The following CPVL variants were observed in gnomAD, a reference collection of about 807,000 sequenced individuals.
The protein encoded by CPVL is carboxypeptidase vitellogenic like.
CPVL carries 51 observed loss-of-function variants against 63.7 expected under a neutral mutation model. That is an observed-to-expected ratio of 0.80 (90% CI 0.64 to 1.01). CPVL has a LOEUF of 1.01. Ranked by LOEUF, CPVL falls within the 50% of genes least tolerant of loss-of-function variation. CPVL has a pLI of 0.00. For missense variants in CPVL, 530 were observed against 573.1 expected, an observed-to-expected ratio of 0.92 and a Z score of 0.77; for synonymous variants, 195 against 206.0, an observed-to-expected ratio of 0.95 and a Z score of 0.46.
At chr7:29,192,935 T>A (rs1051262799) in intron 1 of CPVL, 3 of 152,226 alleles carry the variant, frequency 2.0e-5, no homozygotes, top group Admixed American at 2.0e-4. Context: ...TCAGAAGAAC[T>A]CTGGGGAAAC....
At chr7:29,194,626 G>A (rs1041892710) in intron 1 of CPVL, 16 of 289,066 alleles carry the variant, frequency 5.5e-5, no homozygotes, top group African/African-American at 3.1e-4. Context: ...CGGCAGAGGG[G>A]CTCGGCGGGA....
chr7:29,088,461 A>ATTT (rs3042207), intron 6 of CPVL, among the ~76,000 whole-genome samples: 5 of 151,538 alleles, frequency 3.3e-5, no homozygotes, highest in South Asian at 2.1e-4. Context: ...AAAACTGGCT[A>ATTT]TTTTTTTTTA....
intron 12 of CPVL, among the ~76,000 whole-genome samples, chr7:29,018,704 G>A (rs888495339): frequency 1.3e-5 from 2 of 152,070 alleles, no homozygotes; most frequent in African/African-American, 4.8e-5. Flanking sequence ...TTAATGTGGA[G>A]TCAAAACTTC....
At chr7:29,087,767 A>G (rs1215803246) in intron 6 of CPVL, among the ~76,000 whole-genome samples, 1 of 152,184 alleles carries the variant, frequency 6.6e-6, no homozygotes, top group African/African-American at 2.4e-5. Context: ...AAGAGGCAAA[A>G]TTGGGTCATT....
chr7:29,175,636 A>T (rs1276736817), intron 5 of CPVL, among the ~76,000 whole-genome samples: 1 of 152,132 alleles, frequency 6.6e-6, no homozygotes, highest in Non-Finnish European at 1.5e-5. Flanking sequence ...GTAGATTACC[A>T]ATCTTGAGTA....
intron 3 of CPVL, among the ~76,000 whole-genome samples, chr7:29,107,512 C>A (rs1488322467): frequency 3.9e-5 from 6 of 152,250 alleles, no homozygotes; most frequent in Non-Finnish European, 8.8e-5. Context: ...AATGCCATCT[C>A]CCAAGTTATA....
At chr7:29,164,212 G>A (rs1374928596) in intron 5 of CPVL, among the ~76,000 whole-genome samples, 7 of 152,104 alleles carry the variant, frequency 4.6e-5, no homozygotes, top group African/African-American at 1.4e-4. Context: ...TCAACTCACC[G>A]TGATTTAAAC....
chr7:29,137,668 A>G (rs926479333), intron 1 of CPVL, among the ~76,000 whole-genome samples: 6 of 152,142 alleles, frequency 3.9e-5, no homozygotes, highest in Non-Finnish European at 7.3e-5. Context: ...AAAGAAAATG[A>G]TTTGGGGTCT....
Position 28,995,586 on chromosome 7 carries a change from T to C in CPVL, c.*186A>G, listed in dbSNP as rs1783978470. ...AATGTAATTCTTACTCATGTACTCA[T>C]GTTAATTTTGTAGTAAACATCTCCC... On this transcript the variant is annotated 3_prime_UTR_variant, in exon 13 of 13. Coordinates refer to ENST00000265394, the MANE Select transcript of CPVL (RefSeq NM_031311.5). The C allele has an allele frequency of 1.4e-5, 8 of 574,024 alleles. No individual in the cohort carries two copies. The South Asian group carries it at 1.5e-4, about 11-fold the overall frequency. 35.6% of individuals were successfully genotyped at this position (574,024 alleles called of 1,614,324 possible).
chr7:29,192,606 A>G (rs1303874434), intron 1 of CPVL: 3 of 152,368 alleles, frequency 2.0e-5, no homozygotes, highest in Non-Finnish European at 4.4e-5. Flanking sequence ...CCTTCCTTAA[A>G]GTGAGCAACT....
Position 28,995,879 on chromosome 7 carries a change from T to G in CPVL, c.1324A>C (p.Ile442Leu). ...AAAATATGTCCTCCACCTCGAATAA[T>G]TACCTTAAAAAGAAAAAGTAAAAGA... ...IRQAGDFHQV[I>L]IRGGGHILPY... The change falls in exon 13 of 13, where the codon ATT becomes CTT. Residue 442 changes from isoleucine to leucine, a missense_variant. Coordinates refer to ENST00000265394, the MANE Select transcript of CPVL (RefSeq NM_031311.5). 6.4e-7 allele frequency: 1 copy of G among 1,555,424 alleles called. No homozygotes were observed. Among genetic ancestry groups the G allele is most frequent in the Non-Finnish European group, 8.7e-7 (1 of 1,147,014 alleles).
chr7:29,081,027 T>G (rs1784658914), intron 7 of CPVL, among the ~76,000 whole-genome samples: 1 of 152,182 alleles, frequency 6.6e-6, no homozygotes, highest in Admixed American at 6.5e-5. Context: ...ACTGACTCTT[T>G]CCCTTGAGCG....
chr7:29,032,117 TG>T (rs1410450375), intron 11 of CPVL, among the ~76,000 whole-genome samples: 1 of 152,210 alleles, frequency 6.6e-6, no homozygotes, highest in Non-Finnish European at 1.5e-5. Context: ...TTGAAGGCTC[TG>T]ATTTGGCCCG....
At chr7:29,161,633 CTG>C (rs1562801278) in intron 5 of CPVL, among the ~76,000 whole-genome samples, 1 of 152,192 alleles carries the variant, frequency 6.6e-6, no homozygotes, top group East Asian at 1.9e-4. Context: ...GATGGGTAGA[CTG>C]GCCTTTTCAC....
chr7:29,118,699 C>T (rs183110807), intron 2 of CPVL, among the ~76,000 whole-genome samples: 47 of 152,336 alleles, frequency 3.1e-4, no homozygotes, highest in African/African-American at 9.1e-4. Flanking sequence ...GCTGTGAGAA[C>T]ACTTTGAACG....
At position 29,072,425 on chromosome 7, in the gene CPVL, T is replaced by A. The variant is rs1783843567; in HGVS notation, c.610-2A>T. On this transcript the variant is annotated splice_acceptor_variant, in intron 7 of 12. Transcript: ENST00000265394. LOFTEE classifies it high-confidence loss of function. The stretch of plus-strand genomic sequence containing the variant: ...TGGCACATATTTCCCTGCATAAGAC[T>A]GAGAAGGACAGATGTTGAAATGGCC... The A allele has an allele frequency of 6.2e-7, 1 of 1,612,704 alleles. No homozygotes were observed. Among genetic ancestry groups the A allele is most frequent in the African/African-American group, 1.3e-5 (1 of 75,014 alleles).
intron 6 of CPVL, among the ~76,000 whole-genome samples, chr7:29,087,302 T>G (rs1785305692): frequency 6.6e-6 from 1 of 151,434 alleles, no homozygotes; most frequent in Non-Finnish European, 1.5e-5. Flanking sequence ...TGCGCGCCTG[T>G]AGTCCCAGCT....
At chr7:29,054,157 C>T (rs577589303) in intron 11 of CPVL, among the ~76,000 whole-genome samples, 4 of 152,128 alleles carry the variant, frequency 2.6e-5, no homozygotes, top group Non-Finnish European at 5.9e-5. Context: ...ACATTTTACA[C>T]AACCATTGTA....
intron 12 of CPVL, chr7:29,012,387 A>T (rs574347306): frequency 6.6e-6 from 1 of 152,374 alleles, no homozygotes; most frequent in Admixed American, 6.5e-5. Context: ...GTTTCAGTAC[A>T]GCACAAAACT....
Sources: gnomAD v4.1 joint callset for allele counts (sites outside exome capture counted in the v4.1 genomes callset) on GRCh38, gnomAD v4.1.1 for gene constraint, MANE v1.5 for transcripts, NCBI Gene and HGNC (gene_info 2026-07-23, HGNC 2026-07-21) for gene names.